Variants in LRMDA observed in about 807,000 individuals in gnomAD.
LRMDA encodes leucine rich melanocyte differentiation associated, also known as leucine-rich melanocyte differentiation-associated protein.
Under a neutral mutation model 29.8 loss-of-function variants are expected in LRMDA, and 18 were observed. That is an observed-to-expected ratio of 0.60 (90% CI 0.42 to 0.90). The LOEUF (loss-of-function observed/expected upper bound fraction) is 0.90, where lower values mean the gene tolerates loss of function less well. Among genes scored for constraint, LRMDA ranks in the 40% least tolerant of loss-of-function variants. LRMDA has a pLI of 0.00. For synonymous variants in LRMDA, 125 were observed against 109.4 expected (o/e 1.14, Z -0.89); for missense variants, 273 against 273.9 (o/e 1.00, Z 0.02).
intron 2 of LRMDA, among the ~76,000 whole-genome samples, chr10:75,957,622 G>A (rs907408008): frequency 6.6e-6 from 1 of 152,204 alleles, no homozygotes; most frequent in African/African-American, 2.4e-5. Context: ...CTGAGCTACA[G>A]GATGAGTATT....
chr10:76,556,605 G>C (rs771729934), intron 6 of LRMDA: 1 of 152,168 alleles, frequency 6.6e-6, no homozygotes, highest in Non-Finnish European at 1.5e-5. Flanking sequence ...CACCTGCCTC[G>C]GCCTCCCAAA....
At chr10:76,098,966 A>G (rs954410300) in intron 5 of LRMDA, among the ~76,000 whole-genome samples, 3 of 152,172 alleles carry the variant, frequency 2.0e-5, no homozygotes, top group Non-Finnish European at 4.4e-5. Context: ...CAGTTTATCA[A>G]TCTGGATGGT....
At chr10:76,132,679 TGAGTACGAGTATCG>T (rs1207011799) in intron 5 of LRMDA, among the ~76,000 whole-genome samples, 8 of 152,300 alleles carry the variant, frequency 5.3e-5, no homozygotes, top group South Asian at 4.1e-4. Flanking sequence ...GGTGAGCGCA[TGAGTACGAGTATCG>T]GAGTACGAGT....
At chr10:75,504,141 T>C (rs1487907334) in intron 2 of LRMDA, among the ~76,000 whole-genome samples, 1 of 151,692 alleles carries the variant, frequency 6.6e-6, no homozygotes, top group East Asian at 1.9e-4. Context: ...CTCAACCTCC[T>C]GAGTAGTGCC....
chr10:75,722,606 A>G (rs1167122438), intron 2 of LRMDA, among the ~76,000 whole-genome samples: 1 of 152,178 alleles, frequency 6.6e-6, no homozygotes, highest in South Asian at 2.1e-4. Context: ...AAAACTGGCC[A>G]ACTGGAGCCA....
intron 2 of LRMDA, among the ~76,000 whole-genome samples, chr10:75,855,235 T>C (rs998728188): frequency 1.3e-4 from 20 of 152,030 alleles, no homozygotes; most frequent in Non-Finnish European, 2.6e-4. Context: ...ACCTGTTGTT[T>C]CCTGACTTTT....
intron 2 of LRMDA, among the ~76,000 whole-genome samples, chr10:75,786,637 C>T (rs1843477114): frequency 6.6e-6 from 1 of 152,142 alleles, no homozygotes; most frequent in African/African-American, 2.4e-5. Flanking sequence ...TGACCATATT[C>T]TCTGTGCAGT....
At chr10:76,034,410 A>C (rs145467774) in intron 2 of LRMDA, among the ~76,000 whole-genome samples, 2 of 151,986 alleles carry the variant, frequency 1.3e-5, no homozygotes, top group South Asian at 2.1e-4. Flanking sequence ...CTGGACCCCT[A>C]CTCCAAAATG....
At chr10:76,230,470 T>C (rs68080011) in intron 5 of LRMDA, among the ~76,000 whole-genome samples, 25,675 of 151,432 alleles carry the variant, frequency 0.17, 2,793 homozygotes, top group East Asian at 0.49. Flanking sequence ...TATCCTTGGC[T>C]TAAATTAGAA....
chr10:76,078,862 A>G (rs1346539841), intron 5 of LRMDA, among the ~76,000 whole-genome samples: 1 of 149,934 alleles, frequency 6.7e-6, no homozygotes, highest in Non-Finnish European at 1.5e-5. Flanking sequence ...AACAAAAAAA[A>G]TGGATTTCAG....
intron 2 of LRMDA, among the ~76,000 whole-genome samples, chr10:75,675,831 G>A (rs910113590): frequency 1.3e-5 from 2 of 152,072 alleles, no homozygotes; most frequent in African/African-American, 4.8e-5. Context: ...AGCCTCCTTG[G>A]ATTAGAGCCT....
chr10:76,415,607 T>C (rs1248001591), intron 6 of LRMDA, among the ~76,000 whole-genome samples: 3 of 121,394 alleles, frequency 2.5e-5, no homozygotes, highest in African/African-American at 7.9e-5. Flanking sequence ...CGTGTATGTG[T>C]GTGTGTGTGT....
chr10:75,995,386 C>A (rs1202442370), intron 2 of LRMDA, among the ~76,000 whole-genome samples: 1 of 152,106 alleles, frequency 6.6e-6, no homozygotes, highest in Non-Finnish European at 1.5e-5. Flanking sequence ...TCTTGGAAAC[C>A]CAATTAACAT....
At position 76,090,969 on chromosome 10, in the gene LRMDA, T is replaced by C. The variant is rs73283316; in HGVS notation, c.516+32186T>C. Among the ~76,000 whole-genome samples, 407 of 152,348 alleles carry C rather than the reference T, an allele frequency of 2.7e-3. 2 individuals carry two copies. The highest frequency in any genetic ancestry group is 9.3e-3 in the African/African-American group (387 of 41,572). Reference sequence around the variant, plus strand: ...TACTGAGCTATATATTTAGAAATGGTTAAGATGGTAAATTTTGTGTTATGT... The same window carrying C: ...TACTGAGCTATATATTTAGAAATGGCTAAGATGGTAAATTTTGTGTTATGT... On this transcript the variant is annotated intron_variant, in intron 5 of 6. Transcript: ENST00000611255.
intron 5 of LRMDA, among the ~76,000 whole-genome samples, chr10:76,307,429 G>T (rs546742833): frequency 6.6e-6 from 1 of 152,228 alleles, no homozygotes; most frequent in African/African-American, 2.4e-5. Flanking sequence ...TACACAGGAG[G>T]TCGTCTGCTT....
chr10:75,782,725 C>G, intron 2 of LRMDA: 4 of 1,305,222 alleles, frequency 3.1e-6, no homozygotes, highest in Non-Finnish European at 3.9e-6. Flanking sequence ...AGATGGAGAC[C>G]GGGGCGAAAC....
At chr10:76,320,379 C>A (rs945052886) in intron 5 of LRMDA, among the ~76,000 whole-genome samples, 1 of 152,064 alleles carries the variant, frequency 6.6e-6, no homozygotes, top group Admixed American at 6.5e-5. Context: ...TCAAGCCTTG[C>A]GGGGGAAGGG....
intron 2 of LRMDA, among the ~76,000 whole-genome samples, chr10:75,752,111 T>C (rs1387733103): frequency 6.6e-6 from 1 of 151,398 alleles, no homozygotes; most frequent in East Asian, 1.9e-4. Flanking sequence ...TGGCCTTTAG[T>C]AATAATTTTT....
intron 4 of LRMDA, among the ~76,000 whole-genome samples, chr10:76,055,964 C>T (rs1323455411): frequency 1.1e-4 from 16 of 152,216 alleles, no homozygotes; most frequent in Admixed American, 1.0e-3. Context: ...TGTTTCAGCC[C>T]TGTTTGTGTT....
Sources: gnomAD v4.1 joint callset for allele counts (sites outside exome capture counted in the v4.1 genomes callset) on GRCh38, gnomAD v4.1.1 for gene constraint, MANE v1.5 for transcripts, NCBI Gene and HGNC (gene_info 2026-07-23, HGNC 2026-07-21) for gene names.